The following VGLL1 variants were observed in gnomAD, a reference collection of about 807,000 sequenced individuals.
VGLL1 encodes vestigial like family member 1.
VGLL1 carries 4 observed loss-of-function variants against 12.0 expected under a neutral mutation model. That is an observed-to-expected ratio of 0.33 (90% CI 0.16 to 0.76). The LOEUF is 0.76. Ranked by LOEUF, VGLL1 falls within the 30% of genes least tolerant of loss-of-function variation. VGLL1 has a pLI of 0.60. For missense variants in VGLL1, 204 were observed against 208.7 expected (o/e 0.98, Z 0.14); for synonymous variants, 87 against 81.2 (o/e 1.07, Z -0.39).
Position 136,536,271 on chromosome X carries a change from A to G in VGLL1, c.214+37A>G, listed in dbSNP as rs1385668615. On this transcript the variant is annotated intron_variant, in intron 2 of 4. Transcript: ENST00000370634. ...GGGAGGGAGGGAGCTGGGATTCCCT[A>G]TCAAGGCTGCCACGGATACACCAGT... The G allele has an allele frequency of 5.2e-6, 6 of 1,158,537 alleles. No individual in the cohort carries two copies. In the African/African-American group the frequency reaches 5.4e-5, roughly 10 times the overall value.
chrX:136,538,328 G>A (rs1464922820), intron 2 of VGLL1, among the ~76,000 whole-genome samples: 1 of 112,225 alleles, frequency 8.9e-6, no homozygotes, highest in Non-Finnish European at 1.9e-5. Context: ...TCCAAGCTGA[G>A]TTCATGTTTT....
chrX:136,548,808 G>A lies in VGLL1; in HGVS notation c.434G>A (p.Gly145Asp), dbSNP rs1282717151. The stretch of plus-strand genomic sequence containing the variant: ...GCGGGCACCAGCTCCTTAGAGCCTG[G>A]CTACTCTCATCCCTTCCCCGCTCGG... ...SLAGTSSLEPGYSHPFPARHL... is the reference protein window; with the variant it reads ...SLAGTSSLEPDYSHPFPARHL... Residue 145 changes from glycine (G) to aspartate (D), a missense_variant, in exon 3 of 5, where the codon GGC (glycine) becomes GAC (aspartate). Transcript: ENST00000370634. The A allele has an allele frequency of 1.7e-6, 2 of 1,212,092 alleles. No individual in the cohort carries two copies. The highest frequency in any genetic ancestry group is 2.2e-6 in the Non-Finnish European group (2 of 895,608).
intron 2 of VGLL1, among the ~76,000 whole-genome samples, chrX:136,547,247 A>G (rs985478051): frequency 4.5e-5 from 5 of 112,294 alleles, no homozygotes; most frequent in African/African-American, 1.3e-4. Context: ...ACTGTGTGGA[A>G]GAACTCTTTC....
intron 4 of VGLL1, among the ~76,000 whole-genome samples, chrX:136,551,316 C>T (rs986499233): frequency 1.2e-4 from 13 of 111,348 alleles, no homozygotes; most frequent in African/African-American, 4.2e-4. Flanking sequence ...TGAGGATTAG[C>T]TTGCTGTGTC....
intron 4 of VGLL1, among the ~76,000 whole-genome samples, chrX:136,553,756 C>T (rs187351752): frequency 1.2e-4 from 14 of 112,087 alleles, no homozygotes; most frequent in African/African-American, 4.2e-4. Flanking sequence ...GGCAGAGTCT[C>T]CTCCTGCCCC....
Position 136,548,605 on chromosome X carries a change from A to C in VGLL1, c.231A>C (p.Pro77=), listed in dbSNP as rs1252847375. Reference sequence around the variant, plus strand: ...CCTTCTCAGATGATAGCATGTCTCCAAATCAGTGGCGTTACTCGTCTCCAT... The same window carrying C: ...CCTTCTCAGATGATAGCATGTCTCCCAATCAGTGGCGTTACTCGTCTCCAT... The part of the protein sequence containing the change: ...VMLKNDDSMS[P]NQWRYSSPWT... Residue 77 remains proline (P), a synonymous_variant, in exon 3 of 5, where the codon CCA becomes CCC. Transcript: ENST00000370634. 1.7e-6 allele frequency: 2 copies of C among 1,209,440 alleles called. No homozygotes were observed. Among genetic ancestry groups the C allele is most frequent in the East Asian group, 5.9e-5 (2 of 33,771 alleles).
Position 136,537,135 on chromosome X carries a change from C to T in VGLL1, c.214+901C>T, listed in dbSNP as rs574922465. On this transcript the variant is annotated intron_variant, in intron 2 of 4. Transcript: ENST00000370634. ...CTGTAATTCCAGCACTTTGAGAGGC[C>T]AAGGCAAGAGGATCACTTGAGGTCA... Among the ~76,000 whole-genome samples, 17 of 111,743 alleles carry T rather than the reference C, an allele frequency of 1.5e-4. No homozygotes were observed. The South Asian group carries it at 6.4e-3, about 42-fold the overall frequency.
In VGLL1 at chrX:136,548,576, C is replaced by A. The variant is rs2075875889; in HGVS notation, c.215-13C>A. 2 of 1,200,148 alleles carry A rather than the reference C, an allele frequency of 1.7e-6. No individual in the cohort carries two copies. Among genetic ancestry groups the A allele is most frequent in the Non-Finnish European group, 2.3e-6 (2 of 887,927 alleles). ...TAAACACCTAACATGTCTTCTAAAT[C>A]TTTCCTTCTCAGATGATAGCATGTC... On this transcript the variant is annotated splice_polypyrimidine_tract_variant and intron_variant, in intron 2 of 4. Transcript: ENST00000370634.
In VGLL1 at chrX:136,556,519, C is replaced by G. The variant is rs2075901616; in HGVS notation, c.757C>G (p.Arg253Gly). Residue 253 changes from arginine to glycine, a missense_variant, in exon 5 of 5, where the codon CGA becomes GGA. Arg to Gly is a moderately radical substitution (Grantham distance 125). Transcript: ENST00000370634. ...TPPNHWGHPH[R>G]YLQHL ...ACCAAACCACTGGGGCCACCCACAT[C>G]GATACCTGCAGCATCTTTAGTCAAG... is the stretch of plus-strand genomic sequence containing the variant. The G allele has an allele frequency of 8.3e-7, 1 of 1,210,658 alleles. No homozygotes were observed. The highest frequency in any genetic ancestry group is 1.1e-6 in the Non-Finnish European group (1 of 894,524).
intron 2 of VGLL1, among the ~76,000 whole-genome samples, chrX:136,544,488 G>A (rs1003472926): frequency 8.9e-6 from 1 of 112,025 alleles, no homozygotes; most frequent in Admixed American, 9.5e-5. Flanking sequence ...GCAATATTGG[G>A]GAGGCATAGT....
At chrX:136,540,563 C>G (rs1361068852) in intron 2 of VGLL1, among the ~76,000 whole-genome samples, 1 of 111,353 alleles carries the variant, frequency 9.0e-6, no homozygotes, top group Non-Finnish European at 1.9e-5. Flanking sequence ...GTCTTCTTAC[C>G]CTGCTTCATT....
Position 136,536,015 on chromosome X carries a change from C to T in VGLL1, c.-6C>T, listed in dbSNP as rs367809774. On this transcript the variant is annotated 5_prime_UTR_variant, in exon 2 of 5. Coordinates refer to ENST00000370634, the MANE Select transcript of VGLL1 (RefSeq NM_016267.4). ...CCACAGCTGTCACCTGTGTCATTCA[C>T]TCACAATGGAAGAAATGAAGAAGAC... 8.3e-7 allele frequency: 1 copy of T among 1,209,313 alleles called. No individual in the cohort carries two copies. The highest frequency in any genetic ancestry group is 1.1e-6 in the Non-Finnish European group (1 of 893,709).
chrX:136,550,428 T>C (rs1266535277), intron 3 of VGLL1: 1 of 164,647 alleles, frequency 6.1e-6, no homozygotes, highest in Non-Finnish European at 1.1e-5. Flanking sequence ...AATGCAGGCA[T>C]TGTCCTATTC....
intron 4 of VGLL1, chrX:136,551,096 T>A (rs892874346): frequency 8.7e-5 from 16 of 183,391 alleles, no homozygotes; most frequent in African/African-American, 4.4e-4. Context: ...TCTTTCTTTC[T>A]TTTTTTTTTA....
At chrX:136,553,783 T>G (rs2075893746) in intron 4 of VGLL1, among the ~76,000 whole-genome samples, 2 of 111,717 alleles carry the variant, frequency 1.8e-5, no homozygotes, top group Non-Finnish European at 3.8e-5. Context: ...ATGGCCCTAG[T>G]CCCCTCATGT....
At chrX:136,555,761 G>A (rs191266154) in intron 4 of VGLL1, among the ~76,000 whole-genome samples, 24 of 112,288 alleles carry the variant, frequency 2.1e-4, no homozygotes, top group Non-Finnish European at 3.4e-4. Flanking sequence ...TATTTAAAGA[G>A]AGTGAGAAAG....
At chrX:136,534,303 C>G (rs962599488) in intron 1 of VGLL1, among the ~76,000 whole-genome samples, 1 of 112,512 alleles carries the variant, frequency 8.9e-6, no homozygotes, top group East Asian at 2.8e-4. Context: ...CATGCCCTTT[C>G]CTAGTCAATC....
intron 2 of VGLL1, among the ~76,000 whole-genome samples, chrX:136,537,807 C>G (rs2075844413): frequency 1.8e-5 from 2 of 109,323 alleles, no homozygotes; most frequent in South Asian, 8.1e-4. Flanking sequence ...CTCGAGCGAT[C>G]CTCCCACTTC....
At chrX:136,556,411 G>T in intron 4 of VGLL1, 40 bp from the exon 5 acceptor site, 1 of 1,122,359 alleles carries the variant, frequency 8.9e-7, no homozygotes, top group Non-Finnish European at 1.2e-6. Flanking sequence ...TTCCATAGGG[G>T]CCTAACTGGC....
Sources: allele counts gnomAD v4.1 joint callset (sites outside exome capture counted in the v4.1 genomes callset), GRCh38; gene constraint gnomAD v4.1.1; transcripts MANE v1.5; gene names NCBI Gene and HGNC (gene_info 2026-07-23, HGNC 2026-07-21).